The following ASAP1 variants were observed in gnomAD, a reference collection of about 807,000 sequenced individuals.
ASAP1 encodes arf-GAP with SH3 domain, ANK repeat and PH domain-containing protein 1.
In ASAP1, 43 loss-of-function variants were observed where a neutral mutation model predicts 145.2. The observed-to-expected ratio is 0.30, with a 90% CI of 0.23 to 0.38. The LOEUF (loss-of-function observed/expected upper bound fraction) is 0.38. Ranked by LOEUF, ASAP1 falls within the 10% of genes least tolerant of loss-of-function variation. ASAP1 has a pLI of 1.00. For synonymous variants in ASAP1, 546 were observed against 515.5 expected (o/e 1.06, Z -0.80); for missense variants, 1,018 against 1,355.3 (o/e 0.75, Z 3.91).
intron 2 of ASAP1, among the ~76,000 whole-genome samples, chr8:130,376,903 CA>C (rs34006260): frequency 9.8e-3 from 254 of 26,010 alleles, no homozygotes; most frequent in East Asian, 0.043. Flanking sequence ...AACTCCATCT[CA>C]AAAAAAAAAA....
chr8:130,137,925 T>C (rs2097599065), intron 13 of ASAP1, among the ~76,000 whole-genome samples: 1 of 152,214 alleles, frequency 6.6e-6, no homozygotes, highest in Admixed American at 6.5e-5. Flanking sequence ...AGGAATGAAA[T>C]GTTTGAGTGC....
chr8:130,074,279 G>A (rs2135253683), intron 27 of ASAP1, among the ~76,000 whole-genome samples: 1 of 152,294 alleles, frequency 6.6e-6, no homozygotes, highest in South Asian at 2.1e-4. Flanking sequence ...ATTACTGAGA[G>A]TGGCTGGGCA....
chr8:130,239,584 T>C (rs375615314), intron 3 of ASAP1, among the ~76,000 whole-genome samples: 40 of 152,118 alleles, frequency 2.6e-4, no homozygotes, highest in African/African-American at 8.9e-4. Context: ...GACGACTATA[T>C]ACCAGTTTTG....
At chr8:130,395,824 G>A (rs375630517) in intron 2 of ASAP1, among the ~76,000 whole-genome samples, 4 of 151,992 alleles carry the variant, frequency 2.6e-5, no homozygotes, top group East Asian at 3.9e-4. Flanking sequence ...CCGCCACTAC[G>A]CCCAGCTAAT....
At chr8:130,328,642 CCT>C (rs1824492967) in intron 3 of ASAP1, among the ~76,000 whole-genome samples, 1 of 149,874 alleles carries the variant, frequency 6.7e-6, no homozygotes, top group Non-Finnish European at 1.5e-5. Context: ...GACAAGGTCT[CCT>C]CTGTCACACA....
chr8:130,365,349 C>T (rs1826902484), intron 2 of ASAP1, among the ~76,000 whole-genome samples: 1 of 152,134 alleles, frequency 6.6e-6, no homozygotes, highest in South Asian at 2.1e-4. Context: ...TTGTGGGCCC[C>T]CATAAATGTG....
intron 3 of ASAP1, among the ~76,000 whole-genome samples, chr8:130,312,103 C>T (rs1001005924): frequency 2.6e-5 from 4 of 151,968 alleles, no homozygotes; most frequent in Admixed American, 2.0e-4. Flanking sequence ...TAGCAAGACC[C>T]AGTCTCTCCA....
chr8:130,306,883 C>G (rs964386762), intron 3 of ASAP1, among the ~76,000 whole-genome samples: 1 of 152,190 alleles, frequency 6.6e-6, no homozygotes, highest in Non-Finnish European at 1.5e-5. Context: ...ACCTCAGAGC[C>G]TAACAAACTA....
chr8:130,236,589 T>G (rs1396433172), intron 4 of ASAP1, among the ~76,000 whole-genome samples: 1 of 152,160 alleles, frequency 6.6e-6, no homozygotes, highest in Non-Finnish European at 1.5e-5. Flanking sequence ...TCTGATGTGT[T>G]TAACTGAAGC....
At chr8:130,066,685 A>G (rs1462330333) in intron 27 of ASAP1, among the ~76,000 whole-genome samples, 3 of 151,926 alleles carry the variant, frequency 2.0e-5, no homozygotes, top group Admixed American at 1.3e-4. Context: ...CCTACCAACT[A>G]CACTGCAGAA....
At chr8:130,131,799 G>GAAACA in intron 15 of ASAP1, among the ~76,000 whole-genome samples, 1 of 152,146 alleles carries the variant, frequency 6.6e-6, no homozygotes, top group East Asian at 1.9e-4. Context: ...CCTTGTCTCA[G>GAAACA]AAACAAAACA....
chr8:130,128,170 T>TG, intron 15 of ASAP1, 80 bp from the exon 16 acceptor site: 2 of 668,212 alleles, frequency 3.0e-6, no homozygotes, highest in Non-Finnish European at 3.8e-6. Context: ...TTTTTGCCAC[T>TG]GCAAAAAAAA....
At chr8:130,256,768 T>TCC (rs1819586008) in intron 3 of ASAP1, among the ~76,000 whole-genome samples, 1 of 134,192 alleles carries the variant, frequency 7.5e-6, no homozygotes, top group African/African-American at 2.8e-5. Flanking sequence ...TATATATATA[T>TCC]ATATATATAT....
intron 2 of ASAP1, among the ~76,000 whole-genome samples, chr8:130,371,238 T>A (rs546097999): frequency 1.9e-4 from 29 of 152,168 alleles, no homozygotes; most frequent in Non-Finnish European, 3.7e-4. Flanking sequence ...GATAGGAAAT[T>A]GAGACTCAGA....
intron 2 of ASAP1, among the ~76,000 whole-genome samples, chr8:130,391,370 TG>T (rs1288721722): frequency 2.7e-4 from 41 of 152,344 alleles, no homozygotes; most frequent in African/African-American, 9.6e-4. Flanking sequence ...CGGCAATGGT[TG>T]CACAACAATG....
intron 3 of ASAP1, among the ~76,000 whole-genome samples, chr8:130,299,274 C>T (rs1410240085): frequency 1.3e-5 from 2 of 152,050 alleles, no homozygotes; most frequent in East Asian, 3.9e-4. Flanking sequence ...CTGTGGAGCC[C>T]AGGGAAACTG....
At chr8:130,327,732 T>C (rs1047757942) in intron 3 of ASAP1, among the ~76,000 whole-genome samples, 2 of 152,002 alleles carry the variant, frequency 1.3e-5, no homozygotes, top group Non-Finnish European at 2.9e-5. Context: ...AAACAGAAAG[T>C]AGCTTAGTAA....
At chr8:130,080,149 G>A (rs2097475795) in intron 25 of ASAP1, among the ~76,000 whole-genome samples, 178 bp from the exon 26 acceptor site, 1 of 152,154 alleles carries the variant, frequency 6.6e-6, no homozygotes, top group African/African-American at 2.4e-5. Context: ...CACTGTTTTG[G>A]GCTTTGCGGT....
At chr8:130,124,415 G>C (rs184063050) in intron 17 of ASAP1, among the ~76,000 whole-genome samples, 134 of 152,206 alleles carry the variant, frequency 8.8e-4, no homozygotes, top group Non-Finnish European at 5.4e-4. Flanking sequence ...AACAGAATCT[G>C]GTTCTACACA....
Sources: allele counts gnomAD v4.1 joint callset (sites outside exome capture counted in the v4.1 genomes callset), GRCh38; gene constraint gnomAD v4.1.1; transcripts MANE v1.5; gene names NCBI Gene and HGNC (gene_info 2026-07-23, HGNC 2026-07-21).